ROPN1L: variants seen among roughly 807,000 people sequenced by gnomAD.
ROPN1L encodes the protein rhophilin associated tail protein 1 like.
A neutral mutation model predicts 22.7 loss-of-function variants in ROPN1L; 23 were observed. The ratio of observed to expected loss-of-function variants is 1.01; its 90% CI spans 0.73 to 1.43. The LOEUF is 1.43. Among genes scored for constraint, ROPN1L ranks in the 40% most tolerant of loss-of-function variants. The pLI is 0.00. For missense variants in ROPN1L, 271 were observed against 291.5 expected (o/e 0.93, Z 0.51); for synonymous variants, 116 against 117.8 (o/e 0.98, Z 0.10).
chr5:10,445,465 C>CT (rs1366336662), intron 1 of ROPN1L, among the ~76,000 whole-genome samples: 1 of 152,124 alleles, frequency 6.6e-6, no homozygotes, highest in African/African-American at 2.4e-5. Context: ...AAAGTAGTGG[C>CT]TTGGTCCTTG....
At chr5:10,453,981 G>A (rs1195214229) in intron 3 of ROPN1L, among the ~76,000 whole-genome samples, 2 of 152,306 alleles carry the variant, frequency 1.3e-5, no homozygotes, top group South Asian at 2.1e-4. Context: ...ATCAATTCAG[G>A]TTAAGGGGCA....
Position 10,448,247 on chromosome 5 carries a change from T to C in ROPN1L, c.132-13T>C, listed in dbSNP as rs765524707. On this transcript the variant is annotated splice_polypyrimidine_tract_variant and intron_variant, in intron 1 of 4. Transcript: ENST00000274134. Reference sequence around the variant, plus strand: ...GTATTGATGAGCTTTCAGAGATGTCTGTTATTTATTAGCTATTTTTCAGCT... The same window carrying C: ...GTATTGATGAGCTTTCAGAGATGTCCGTTATTTATTAGCTATTTTTCAGCT... 3 of 1,613,886 alleles carry C rather than the reference T, an allele frequency of 1.9e-6. No individual in the cohort carries two copies. Among genetic ancestry groups the C allele is most frequent in the Non-Finnish European group, 2.5e-6 (3 of 1,179,894 alleles).
intron 3 of ROPN1L, among the ~76,000 whole-genome samples, chr5:10,459,391 T>TGGGTTCCTGCCTTCCACCC (rs1561175222): frequency 3.3e-5 from 5 of 151,290 alleles, no homozygotes; most frequent in African/African-American, 1.2e-4. Flanking sequence ...CCCTCATCAC[T>TGGGTTCCTGCCTTCCACCC]TCTCTTCACA....
intron 1 of ROPN1L, among the ~76,000 whole-genome samples, chr5:10,447,265 CAGA>C (rs1239293900): frequency 4.0e-4 from 61 of 152,332 alleles, no homozygotes; most frequent in African/African-American, 1.4e-3. Flanking sequence ...GTGAGTTTCT[CAGA>C]AGGTCTTGCC....
intron 2 of ROPN1L, 92 bp from the exon 3 acceptor site, chr5:10,449,860 G>A (rs1453105212): frequency 9.4e-6 from 10 of 1,059,948 alleles, no homozygotes; most frequent in East Asian, 5.3e-5. Flanking sequence ...TGCATGGGGC[G>A]GGTTACTTGG....
At chr5:10,454,052 T>G (rs995595695) in intron 3 of ROPN1L, among the ~76,000 whole-genome samples, 8 of 152,216 alleles carry the variant, frequency 5.3e-5, no homozygotes, top group African/African-American at 1.9e-4. Context: ...TGTTAAGAGA[T>G]TCCTGTCCTC....
intron 3 of ROPN1L, among the ~76,000 whole-genome samples, chr5:10,455,154 T>C (rs1034263590): frequency 6.6e-6 from 1 of 152,236 alleles, no homozygotes; most frequent in African/African-American, 2.4e-5. Context: ...TGCTACAGCA[T>C]GTCAGATTCA....
At chr5:10,479,121 G>GT in the ROPN1L span, among the ~76,000 whole-genome samples, 1 of 152,292 alleles carries the variant, frequency 6.6e-6, no homozygotes, top group East Asian at 1.9e-4. Context: ...GTGTGAGTAG[G>GT]TTAGAAAGAT....
At chr5:10,458,545 G>A (rs1368326872) in intron 3 of ROPN1L, among the ~76,000 whole-genome samples, 1 of 55,548 alleles carries the variant, frequency 1.8e-5, no homozygotes, top group African/African-American at 8.1e-5. Flanking sequence ...CATCCCCCGT[G>A]TACACCATCC....
At chr5:10,448,120 C>G in intron 1 of ROPN1L, 140 bp from the exon 2 acceptor site, 2 of 914,326 alleles carry the variant, frequency 2.2e-6, no homozygotes, top group East Asian at 2.5e-5. Context: ...AGTGGAGGAA[C>G]CAGGACATAA....
In ROPN1L at chr5:10,464,256, G is replaced by T. The variant is rs141271236; in HGVS notation, c.594-592G>T. Reference sequence around the variant, plus strand: ...AACCCTCCTGTCCTCGTGGAAGACCGCAGCTCCCAAGCCATCCCTTCTGTC... The same window carrying T: ...AACCCTCCTGTCCTCGTGGAAGACCTCAGCTCCCAAGCCATCCCTTCTGTC... On this transcript the variant is annotated intron_variant, in intron 4 of 4. Transcript: ENST00000274134. 2.9e-4 allele frequency among the ~76,000 whole-genome samples: 44 copies of T among 152,206 alleles called. 1 individual carries two copies. The highest frequency in any genetic ancestry group is 9.4e-4 in the African/African-American group (39 of 41,528).
intron 1 of ROPN1L, among the ~76,000 whole-genome samples, chr5:10,445,741 C>T (rs186493775): frequency 2.7e-4 from 41 of 152,202 alleles, no homozygotes; most frequent in African/African-American, 9.2e-4. Context: ...GCCTGCACAA[C>T]GTGGCAAGAC....
chr5:10,481,048 G>C, the ROPN1L span, among the ~76,000 whole-genome samples: 1 of 152,134 alleles, frequency 6.6e-6, no homozygotes, highest in Non-Finnish European at 1.5e-5. Context: ...CTTGTCAAGA[G>C]CTATGAAGGG....
chr5:10,470,627 C>T (rs919594078), intron 4 of ROPN1L, among the ~76,000 whole-genome samples: 4 of 152,204 alleles, frequency 2.6e-5, no homozygotes, highest in Admixed American at 6.5e-5. Context: ...AGGGATCCCA[C>T]GCTTTCCTGT....
At chr5:10,452,287 A>ATGTGTGTGTGTG (rs762971211) in intron 3 of ROPN1L, among the ~76,000 whole-genome samples, 41 of 142,514 alleles carry the variant, frequency 2.9e-4, no homozygotes, top group African/African-American at 1.1e-3. Context: ...CCTAAAGTAT[A>ATGTGTGTGTGTG]TGTGTGTGTG....
chr5:10,470,108 G>A (rs565614115), intron 4 of ROPN1L, among the ~76,000 whole-genome samples: 34 of 152,242 alleles, frequency 2.2e-4, no homozygotes, highest in South Asian at 1.5e-3. Context: ...TGCTATTTCC[G>A]TAATTTGCAG....
intron 4 of ROPN1L, among the ~76,000 whole-genome samples, chr5:10,463,471 CA>C (rs1157990545): frequency 6.6e-6 from 1 of 152,112 alleles, no homozygotes; most frequent in Non-Finnish European, 1.5e-5. Context: ...GCCTGGTTAA[CA>C]GCAAGAAAGG....
At position 10,441,918 on chromosome 5, in the gene ROPN1L, CG is replaced by C. The variant is rs1579637741; in HGVS notation, c.-248del. ...TGGATACCGAGCGCGTCCGTAGTGG[CG>C]GCTGGCGCTAGGGAACTGCAGGGTC... is the stretch of plus-strand genomic sequence containing the variant. On this transcript the variant is annotated 5_prime_UTR_variant, in exon 1 of 5. Transcript: ENST00000274134. 7.3e-5 allele frequency: 24 copies of C among 329,612 alleles called. No individual in the cohort carries two copies. The East Asian group carries it at 1.3e-3, about 18-fold the overall frequency. 20.4% of individuals were successfully genotyped at this position (329,612 alleles called of 1,614,324 possible). A position where few individuals can be genotyped will look rare whatever the true frequency, so the allele number is the denominator to read the frequency against.
At chr5:10,481,396 C>T in the ROPN1L span, among the ~76,000 whole-genome samples, 32 of 152,264 alleles carry the variant, frequency 2.1e-4, no homozygotes, top group South Asian at 4.4e-3. Context: ...CCTAGTTGTC[C>T]GGTACTTGCT....
Sources: allele counts gnomAD v4.1 joint callset (sites outside exome capture counted in the v4.1 genomes callset), GRCh38; gene constraint gnomAD v4.1.1; transcripts MANE v1.5; gene names NCBI Gene and HGNC (gene_info 2026-07-23, HGNC 2026-07-21).